Variants in SCG3 observed in about 807,000 individuals in gnomAD.
The protein encoded by SCG3 is secretogranin-3.
SCG3 carries 38 observed loss-of-function variants against 56.2 expected under a neutral mutation model. The ratio of observed to expected loss-of-function variants is 0.68; its 90% CI spans 0.52 to 0.89. The LOEUF is 0.89. SCG3 is among the 40% of genes least tolerant of loss of function. The pLI is 0.00. For missense variants in SCG3, 524 were observed against 540.7 expected, an observed-to-expected ratio of 0.97 and a Z score of 0.31; for synonymous variants, 176 against 184.2, an observed-to-expected ratio of 0.96 and a Z score of 0.36.
intron 10 of SCG3, among the ~76,000 whole-genome samples, chr15:51,704,768 T>TAC (rs2055363573): frequency 1.3e-5 from 1 of 79,572 alleles, no homozygotes; most frequent in Admixed American, 1.5e-4. Flanking sequence ...GTAATACATA[T>TAC]ATATATATAT....
chr15:51,692,090 A>C, intron 6 of SCG3, 69 bp from the exon 7 acceptor site: 1 of 1,431,454 alleles, frequency 7.0e-7, no homozygotes, highest in African/African-American at 1.4e-5. Flanking sequence ...TCACAAAGGA[A>C]GGAATCAAGC....
At chr15:51,688,521 C>T (rs2055244579) in intron 5 of SCG3, 119 bp downstream of exon 5, 1 of 849,818 alleles carries the variant, frequency 1.2e-6, no homozygotes, top group African/African-American at 1.7e-5. Context: ...CTACTAGGAC[C>T]CGTAGGTTTT....
chr15:51,684,095 A>G (rs534368178), intron 4 of SCG3, among the ~76,000 whole-genome samples: 32 of 152,330 alleles, frequency 2.1e-4, no homozygotes, highest in African/African-American at 7.2e-4. Context: ...ACTACTATCC[A>G]TCCAGTTTTT....
chr15:51,695,907 A>G lies in SCG3; in HGVS notation c.901A>G (p.Thr301Ala), dbSNP rs1226057785. Residue 301 changes from threonine (T) to alanine (A), a missense_variant, in exon 8 of 12, where the codon ACT becomes GCT. Coordinates refer to ENST00000220478, the MANE Select transcript of SCG3 (RefSeq NM_013243.4). ...AGCAAAAGAGAAAGAAACACTGATT[A>G]CTATCATGAAAACACTGATTGACTT... The part of the protein sequence containing the change: ...KEAKEKETLI[T>A]IMKTLIDFVK... 1.2e-6 allele frequency: 2 copies of G among 1,607,766 alleles called. No homozygotes were observed.
intron 10 of SCG3, 76 bp downstream of exon 10, chr15:51,701,320 C>A: frequency 7.1e-7 from 1 of 1,412,762 alleles, no homozygotes; most frequent in Non-Finnish European, 9.6e-7. Context: ...GAGGGTGATC[C>A]AAAGAGCAAG....
At chr15:51,707,129 A>C (rs2055381379) in intron 10 of SCG3, among the ~76,000 whole-genome samples, 1 of 151,764 alleles carries the variant, frequency 6.6e-6, no homozygotes, top group Non-Finnish European at 1.5e-5. Flanking sequence ...CTTTTTTTTT[A>C]ATCATCCAAG....
At chr15:51,719,339 A>G (rs1300139096) in intron 11 of SCG3, 69 bp from the exon 12 acceptor site, 1 of 1,017,188 alleles carries the variant, frequency 9.8e-7, no homozygotes, top group Non-Finnish European at 1.5e-6. Context: ...TTCTCAGTTA[A>G]TGGTAATCAC....
chr15:51,719,617 C>A lies in SCG3; in HGVS notation c.*91C>A. 1 of 907,660 alleles carries A rather than the reference C, an allele frequency of 1.1e-6. No homozygotes were observed. Among genetic ancestry groups the A allele is most frequent in the Non-Finnish European group, 1.7e-6 (1 of 589,356 alleles). The allele number at this position is 907,660 out of a possible 1,614,324, so 56.2% of individuals were successfully genotyped here. Reference sequence around the variant, plus strand: ...TAATTCTGTGATTAAAATTTTTTGACCCAAGGGTTATTAGAAAGTGCTGAA... The same window carrying A: ...TAATTCTGTGATTAAAATTTTTTGAACCAAGGGTTATTAGAAAGTGCTGAA... On this transcript the variant is annotated 3_prime_UTR_variant, in exon 12 of 12. Transcript: ENST00000220478.
intron 10 of SCG3, 70 bp from the exon 11 acceptor site, chr15:51,713,263 C>T (rs945677449): frequency 1.8e-5 from 18 of 1,005,244 alleles, no homozygotes; most frequent in Middle Eastern, 2.4e-4. Context: ...TCTGAACATA[C>T]GTGTGGTCTT....
intron 10 of SCG3, among the ~76,000 whole-genome samples, chr15:51,706,083 C>G (rs907913056): frequency 6.6e-6 from 1 of 152,160 alleles, no homozygotes; most frequent in Admixed American, 6.5e-5. Context: ...TCTTTGTGTT[C>G]GCAGTTGTTT....
intron 4 of SCG3, among the ~76,000 whole-genome samples, chr15:51,687,252 T>C (rs537445646): frequency 6.6e-6 from 1 of 152,348 alleles, no homozygotes; most frequent in South Asian, 2.1e-4. Context: ...AGATACCTTG[T>C]TAGACTCCTT....
intron 7 of SCG3, among the ~76,000 whole-genome samples, chr15:51,694,808 A>T (rs1164633431): frequency 2.0e-5 from 3 of 152,230 alleles, no homozygotes; most frequent in Non-Finnish European, 4.4e-5. Flanking sequence ...AGGAGGGCGG[A>T]TCGCCTGAGG....
chr15:51,706,768 T>C (rs1378570344), intron 10 of SCG3, among the ~76,000 whole-genome samples: 1 of 152,162 alleles, frequency 6.6e-6, no homozygotes, highest in East Asian at 1.9e-4. Context: ...CATTTCAAGC[T>C]TAATGTAAAA....
At chr15:51,708,924 T>C (rs955747070) in intron 10 of SCG3, among the ~76,000 whole-genome samples, 2 of 152,126 alleles carry the variant, frequency 1.3e-5, no homozygotes, top group Admixed American at 1.3e-4. Context: ...TCAATTTCTC[T>C]AGTCTAAAAG....
intron 5 of SCG3, 143 bp downstream of exon 5, chr15:51,688,545 G>T (rs2055244723): frequency 1.5e-6 from 1 of 669,238 alleles, no homozygotes; most frequent in African/African-American, 1.8e-5. Flanking sequence ...GACAAGCAAA[G>T]CACCATTCTT....
At chr15:51,709,967 A>G (rs957070294) in intron 10 of SCG3, among the ~76,000 whole-genome samples, 1 of 139,906 alleles carries the variant, frequency 7.1e-6, no homozygotes, top group Non-Finnish European at 1.5e-5. Flanking sequence ...GGATCTCCTG[A>G]CCTTGTGATC....
intron 10 of SCG3, among the ~76,000 whole-genome samples, chr15:51,702,406 G>A (rs1307406923): frequency 6.6e-6 from 1 of 152,024 alleles, no homozygotes; most frequent in African/African-American, 2.4e-5. Context: ...ACAGGCACGC[G>A]CCACCCTGCC....
intron 10 of SCG3, among the ~76,000 whole-genome samples, chr15:51,704,275 AT>A (rs1457909900): frequency 1.9e-4 from 25 of 134,534 alleles, no homozygotes; most frequent in African/African-American, 6.5e-4. Flanking sequence ...ATATATATAT[AT>A]ATAAAATAGC....
chr15:51,711,541 T>C (rs1275378086), intron 10 of SCG3, among the ~76,000 whole-genome samples: 1 of 152,242 alleles, frequency 6.6e-6, no homozygotes, highest in Non-Finnish European at 1.5e-5. Context: ...ATAATGAAGT[T>C]GCATTGTTTA....
Sources: gnomAD v4.1 joint callset for allele counts (sites outside exome capture counted in the v4.1 genomes callset) on GRCh38, gnomAD v4.1.1 for gene constraint, MANE v1.5 for transcripts, NCBI Gene and HGNC (gene_info 2026-07-23, HGNC 2026-07-21) for gene names.